TEX29: variants seen among roughly 807,000 people sequenced by gnomAD.
TEX29 encodes the protein testis-expressed protein 29.
Under a neutral mutation model 18.2 loss-of-function variants are expected in TEX29, and 26 were observed. The observed-to-expected ratio is 1.43, with a 90% CI of 1.04 to 1.98. The LOEUF is 1.98. Among genes scored for constraint, TEX29 ranks in the 30% most tolerant of loss-of-function variants. TEX29 has a pLI of 0.00. For missense variants in TEX29, 177 were observed against 194.2 expected (o/e 0.91, Z 0.53); for synonymous variants, 83 against 78.5 (o/e 1.06, Z -0.31).
intron 2 of TEX29, among the ~76,000 whole-genome samples, chr13:111,324,895 T>C (rs1028031290): frequency 1.3e-5 from 2 of 152,136 alleles, no homozygotes; most frequent in East Asian, 3.9e-4. Flanking sequence ...TTTACCACCG[T>C]GCTGGCGTGG....
chr13:111,343,935 G>T, intron 5 of TEX29, 148 bp from the exon 6 acceptor site: 2 of 685,532 alleles, frequency 2.9e-6, no homozygotes. Flanking sequence ...AGAAACATAG[G>T]AGGATACGGC....
At chr13:111,321,025 G>A in intron 2 of TEX29, 77 bp downstream of exon 2, 1 of 1,492,376 alleles carries the variant, frequency 6.7e-7, no homozygotes, top group Non-Finnish European at 9.1e-7. Flanking sequence ...AGCTGTTTGA[G>A]CCCCTGGCGC....
intron 3 of TEX29, among the ~76,000 whole-genome samples, chr13:111,328,992 C>T (rs1048640475): frequency 2.6e-5 from 4 of 152,182 alleles, no homozygotes; most frequent in Non-Finnish European, 5.9e-5. Context: ...ACCAGGATGG[C>T]CTGCGCGTGA....
At chr13:111,339,990 C>T in intron 4 of TEX29, 58 bp downstream of exon 4, 2 of 1,528,680 alleles carry the variant, frequency 1.3e-6, no homozygotes, top group Non-Finnish European at 1.8e-6. Context: ...CCTCTCCTGG[C>T]CGCAGCTTCC....
upstream of TEX29, among the ~76,000 whole-genome samples, chr13:111,319,539 ACCAGCCTCCAGCC>A (rs953324764): frequency 2.0e-5 from 3 of 152,134 alleles, no homozygotes; most frequent in African/African-American, 7.2e-5. Context: ...TGCCCACAGC[ACCAGCCTCCAGCC>A]CCCCAGCAGC....
At chr13:111,340,065 T>A (rs534731683) in intron 4 of TEX29, 133 bp downstream of exon 4, 7 of 781,998 alleles carry the variant, frequency 9.0e-6, no homozygotes, top group Non-Finnish European at 1.5e-5. Context: ...TCCGTGAGCC[T>A]GGGAAAGGGA....
At chr13:111,323,192 G>C (rs1032213047) in intron 2 of TEX29, among the ~76,000 whole-genome samples, 5 of 152,206 alleles carry the variant, frequency 3.3e-5, no homozygotes, top group African/African-American at 1.2e-4. Context: ...CACTCATCCG[G>C]GACAGGAGGC....
intron 2 of TEX29, 40 bp downstream of exon 2, chr13:111,320,988 G>GGGGGGGGGGGGGGGGGGGGGGGGGC: frequency 7.0e-6 from 3 of 431,428 alleles, no homozygotes; most frequent in Non-Finnish European, 8.6e-6. Flanking sequence ...TGGGGTGGGG[G>GGGGGGGGGGGGGGGGGGGGGGGGGC]AGCAGTTGGG....
upstream of TEX29, chr13:111,316,342 C>A: frequency 6.7e-6 from 3 of 450,860 alleles, no homozygotes; most frequent in Admixed American, 7.1e-5. Context: ...ACGCCTCCCG[C>A]CACCCACACC....
intron 3 of TEX29, among the ~76,000 whole-genome samples, chr13:111,332,886 C>G (rs1283790514): frequency 6.6e-6 from 1 of 152,120 alleles, no homozygotes; most frequent in African/African-American, 2.4e-5. Flanking sequence ...TTCATTTCAT[C>G]CTAAGAGACT....
intron 2 of TEX29, among the ~76,000 whole-genome samples, chr13:111,322,937 C>T (rs2093667113): frequency 6.6e-6 from 1 of 152,214 alleles, no homozygotes. Context: ...GTGGCTGGCC[C>T]TGGCCCTGCA....
chr13:111,339,552 G>A, intron 3 of TEX29: 2 of 492,258 alleles, frequency 4.1e-6, no homozygotes, highest in Non-Finnish European at 7.4e-6. Flanking sequence ...CACTCCCGGG[G>A]GTCAGGACCC....
At chr13:111,325,728 G>A (rs2153641369) in intron 2 of TEX29, among the ~76,000 whole-genome samples, 1 of 152,352 alleles carries the variant, frequency 6.6e-6, no homozygotes, top group East Asian at 1.9e-4. Context: ...ACCGGAGGAG[G>A]CGCGGGAGGA....
Position 111,336,920 on chromosome 13 carries a change from G to A in TEX29, c.170-2943G>A, listed in dbSNP as rs2254102. On this transcript the variant is annotated intron_variant, in intron 3 of 5. Transcript: ENST00000283547. Reference sequence around the variant, plus strand: ...AGGAAGATACGGGAGATGTACTGACGGTGAAATACTAAGACGCTGACTAAT... The same window carrying A: ...AGGAAGATACGGGAGATGTACTGACAGTGAAATACTAAGACGCTGACTAAT... Among the ~76,000 whole-genome samples, 960 of 152,246 alleles carry A rather than the reference G, an allele frequency of 6.3e-3. 12 individuals carry two copies. The highest frequency in any genetic ancestry group is 0.022 in the African/African-American group (926 of 41,536).
intron 2 of TEX29, among the ~76,000 whole-genome samples, chr13:111,326,064 G>A (rs988831836): frequency 2.6e-5 from 4 of 152,378 alleles, no homozygotes; most frequent in African/African-American, 4.8e-5. Context: ...CCTGAAGCCA[G>A]AGGTCTCTGT....
At chr13:111,320,324 G>A (rs2093661694), upstream of TEX29, among the ~76,000 whole-genome samples, 1 of 152,226 alleles carries the variant, frequency 6.6e-6, no homozygotes, top group African/African-American at 2.4e-5. Flanking sequence ...GCAGAGAGGG[G>A]TGTCCCAGGA....
intron 2 of TEX29, 86 bp downstream of exon 2, chr13:111,321,034 G>T: frequency 2.1e-6 from 3 of 1,443,484 alleles, no homozygotes; most frequent in Non-Finnish European, 2.8e-6. Context: ...AGCCCCTGGC[G>T]CGGACAGGGG....
At chr13:111,329,417 C>CCTTTTACTTCTTT (rs967463499) in intron 3 of TEX29, among the ~76,000 whole-genome samples, 2 of 151,812 alleles carry the variant, frequency 1.3e-5, no homozygotes, top group African/African-American at 4.8e-5. Context: ...ACTTCTTCTT[C>CCTTTTACTTCTTT]CTTTTACTTC....
intron 3 of TEX29, among the ~76,000 whole-genome samples, chr13:111,333,098 G>A (rs961337549): frequency 6.6e-6 from 1 of 152,144 alleles, no homozygotes; most frequent in Non-Finnish European, 1.5e-5. Context: ...AGAAACTGCT[G>A]TAAATCTTAA....
Sources: gnomAD v4.1 joint callset for allele counts (sites outside exome capture counted in the v4.1 genomes callset) on GRCh38, gnomAD v4.1.1 for gene constraint, MANE v1.5 for transcripts, NCBI Gene and HGNC (gene_info 2026-07-23, HGNC 2026-07-21) for gene names.